The following IL12RB2 variants were observed in gnomAD, a reference collection of about 807,000 sequenced individuals.
IL12RB2 encodes the protein interleukin-12 receptor subunit beta-2.
IL12RB2 carries 82 observed loss-of-function variants against 89.4 expected under a neutral mutation model. That is an observed-to-expected ratio of 0.92 (90% CI 0.77 to 1.10). The LOEUF (loss-of-function observed/expected upper bound fraction) is 1.10. Ranked by LOEUF, IL12RB2 falls within the 50% of genes least tolerant of loss-of-function variation. IL12RB2 has a pLI of 0.00. For synonymous variants in IL12RB2, 368 were observed against 370.1 expected, an observed-to-expected ratio of 0.99 and a Z score of 0.07; for missense variants, 963 against 1,031.9, an observed-to-expected ratio of 0.93 and a Z score of 0.92.
chr1:67,341,535 G>GAAA (rs67636406), intron 9 of IL12RB2, among the ~76,000 whole-genome samples: 4,806 of 35,874 alleles, frequency 0.13, 112 homozygotes, highest in Middle Eastern at 0.27. Context: ...GAAAGAGAAA[G>GAAA]AAAGAAAGAA....
chr1:67,388,458 G>A (rs1298551659), intron 15 of IL12RB2, among the ~76,000 whole-genome samples: 1 of 152,134 alleles, frequency 6.6e-6, no homozygotes, highest in African/African-American at 2.4e-5. Flanking sequence ...CGATTCTCCT[G>A]CCTCAGCCTC....
intron 10 of IL12RB2, among the ~76,000 whole-genome samples, chr1:67,364,938 A>AATAG (rs1172908650): frequency 4.6e-5 from 7 of 152,350 alleles, no homozygotes; most frequent in African/African-American, 1.7e-4. Flanking sequence ...AATTTAAAAG[A>AATAG]ATAGATATCA....
chr1:67,315,265 T>C (rs1361961717), intron 2 of IL12RB2, among the ~76,000 whole-genome samples: 1 of 152,134 alleles, frequency 6.6e-6, no homozygotes, highest in Non-Finnish European at 1.5e-5. Context: ...ATATTTCATA[T>C]ATATCCATTT....
chr1:67,361,295 A>C (rs1182996705), intron 10 of IL12RB2, among the ~76,000 whole-genome samples: 1 of 152,246 alleles, frequency 6.6e-6, no homozygotes, highest in Non-Finnish European at 1.5e-5. Context: ...AACAACAGTT[A>C]GTTGAGATAC....
chr1:67,356,603 G>A (rs1661423157), intron 10 of IL12RB2, among the ~76,000 whole-genome samples: 2 of 152,152 alleles, frequency 1.3e-5, no homozygotes, highest in African/African-American at 4.8e-5. Context: ...TATGCCTAAG[G>A]GGTGCCTGGG....
In IL12RB2 at chr1:67,398,259, T is replaced by C; in HGVS notation, c.*2170T>C. Among the ~76,000 whole-genome samples the C allele has an allele frequency of 6.6e-6, 1 of 152,044 alleles. No homozygotes were observed. The highest frequency in any genetic ancestry group is 1.9e-4 in the East Asian group (1 of 5,190). ...ACAAACCATGACAGACAAGGCCACC[T>C]CCTCAGAAGCGGAACAACCTATTAT... On this transcript the variant is annotated 3_prime_UTR_variant, in exon 17 of 17. Coordinates refer to ENST00000674203, the MANE Select transcript of IL12RB2 (RefSeq NM_001374259.2).
intron 15 of IL12RB2, among the ~76,000 whole-genome samples, chr1:67,386,968 G>A (rs184327951): frequency 1.6e-4 from 20 of 125,066 alleles, no homozygotes; most frequent in Admixed American, 8.0e-4. Flanking sequence ...CACTCTTGTC[G>A]CCCAGGCTGA....
chr1:67,326,800 A>G lies in IL12RB2; in HGVS notation c.430A>G (p.Thr144Ala), dbSNP rs1657351237. 1 of 1,613,952 alleles carries G rather than the reference A, an allele frequency of 6.2e-7. No individual in the cohort carries two copies. Among genetic ancestry groups the G allele is most frequent in the Non-Finnish European group, 8.5e-7 (1 of 1,179,886 alleles). Residue 144 changes from threonine to alanine, a missense_variant, in exon 5 of 17, where the codon ACC (threonine) becomes GCC (alanine). Transcript: ENST00000674203. ...QKGEQGTVAC[T>A]WERGRDTHLY... is the part of the protein sequence containing the mutation. The stretch of plus-strand genomic sequence containing the variant: ...GGGAGAACAGGGGACTGTGGCCTGC[A>G]CCTGGGAAAGAGGACGAGACACCCA...
At chr1:67,324,822 T>G (rs1657076957) in intron 4 of IL12RB2, among the ~76,000 whole-genome samples, 1 of 152,262 alleles carries the variant, frequency 6.6e-6, no homozygotes, top group South Asian at 2.1e-4. Flanking sequence ...AGCTTAAACC[T>G]GGTGGAAGTA....
chr1:67,348,016 C>T (rs1171112998), intron 9 of IL12RB2, among the ~76,000 whole-genome samples: 1 of 152,162 alleles, frequency 6.6e-6, no homozygotes, highest in East Asian at 1.9e-4. Flanking sequence ...ACTCCTGGCT[C>T]ATGGTATAGC....
At chr1:67,350,025 A>G (rs1362573054) in intron 9 of IL12RB2, among the ~76,000 whole-genome samples, 1 of 152,200 alleles carries the variant, frequency 6.6e-6, no homozygotes, top group Non-Finnish European at 1.5e-5. Context: ...TGTGTCTTTC[A>G]GCAAACACAG....
intron 15 of IL12RB2, among the ~76,000 whole-genome samples, chr1:67,389,537 T>C (rs937287749): frequency 1.3e-5 from 2 of 152,230 alleles, no homozygotes; most frequent in African/African-American, 4.8e-5. Flanking sequence ...TATTTCCCTA[T>C]AATACTTTTT....
intron 2 of IL12RB2, among the ~76,000 whole-genome samples, chr1:67,315,826 GT>G (rs1655685761): frequency 6.6e-6 from 1 of 152,204 alleles, no homozygotes; most frequent in Admixed American, 6.5e-5. Flanking sequence ...AGTACAGGGA[GT>G]GTCTTTCATA....
In IL12RB2 at chr1:67,390,057, C is replaced by A; in HGVS notation, c.1975C>A (p.Pro659Thr). ...GTTTGTTCTCCTAGCAGCCCTCAGA[C>A]CTCAGTGGTGTAGCAGAGAAATTCC... ...KVFVLLAALR[P>T]QWCSREIPDP... Residue 659 changes from proline to threonine, a missense_variant, in exon 16 of 17, where the codon CCT becomes ACT. Coordinates refer to ENST00000674203, the MANE Select transcript of IL12RB2 (RefSeq NM_001374259.2). 1 of 1,360,368 alleles carries A rather than the reference C, an allele frequency of 7.4e-7. No homozygotes were observed. The highest frequency in any genetic ancestry group is 1.1e-6 in the Non-Finnish European group (1 of 948,174). The allele number at this position is 1,360,368 out of a possible 1,614,324, so 84.3% of individuals were successfully genotyped here.
In IL12RB2 at chr1:67,397,222, A is replaced by G. The variant is rs751932660; in HGVS notation, c.*1133A>G. 3.9e-5 allele frequency among the ~76,000 whole-genome samples: 6 copies of G among 152,112 alleles called. No homozygotes were observed. The highest frequency in any genetic ancestry group is 2.0e-4 in the Admixed American group (3 of 15,270). The stretch of plus-strand genomic sequence containing the variant: ...CATCCTCTTTCAGCAAATCAAGGGC[A>G]GCTGGATGGTGAAGACCTATATTGT... On this transcript the variant is annotated 3_prime_UTR_variant, in exon 17 of 17. Transcript: ENST00000674203.
At chr1:67,329,068 T>C (rs867844939) in intron 6 of IL12RB2, among the ~76,000 whole-genome samples, 10 of 152,348 alleles carry the variant, frequency 6.6e-5, no homozygotes, top group East Asian at 3.9e-4. Context: ...AGTCTGATCA[T>C]TGGCATTTAC....
At chr1:67,388,132 G>A (rs1028711669) in intron 15 of IL12RB2, among the ~76,000 whole-genome samples, 3 of 151,852 alleles carry the variant, frequency 2.0e-5, no homozygotes, top group Admixed American at 6.6e-5. Flanking sequence ...TTGAGATTGC[G>A]CCACTGCACT....
chr1:67,312,396 G>C (rs1471960334), intron 1 of IL12RB2, among the ~76,000 whole-genome samples: 3 of 152,174 alleles, frequency 2.0e-5, no homozygotes, highest in Non-Finnish European at 4.4e-5. Flanking sequence ...GTTTCTCCAA[G>C]ACTCCATTCG....
chr1:67,326,556 T>C (rs1337799313), intron 4 of IL12RB2, among the ~76,000 whole-genome samples, 179 bp from the exon 5 acceptor site: 2 of 152,222 alleles, frequency 1.3e-5, no homozygotes, highest in East Asian at 3.8e-4. Flanking sequence ...TATTACTGTT[T>C]CTAGGAGAAA....
Sources: allele counts gnomAD v4.1 joint callset (sites outside exome capture counted in the v4.1 genomes callset), GRCh38; gene constraint gnomAD v4.1.1; transcripts MANE v1.5; gene names NCBI Gene and HGNC (gene_info 2026-07-23, HGNC 2026-07-21).